ANKRD17: variants seen among roughly 807,000 people sequenced by gnomAD.
ANKRD17 encodes the protein ankyrin repeat domain-containing protein 17.
Under a neutral mutation model 229.7 loss-of-function variants are expected in ANKRD17, and 19 were observed. That is an observed-to-expected ratio of 0.08 (90% CI 0.06 to 0.12). The LOEUF (loss-of-function observed/expected upper bound fraction) is 0.12, where lower values mean the gene tolerates loss of function less well. Ranked by LOEUF, ANKRD17 falls within the 10% of genes least tolerant of loss-of-function variation. The pLI is 1.00. For synonymous variants in ANKRD17, 1,112 were observed against 1,146.1 expected (o/e 0.97, Z 0.60); for missense variants, 2,176 against 3,176.8 (o/e 0.68, Z 7.57).
At chr4:73,076,409 A>G in intron 33 of ANKRD17, 119 bp from the exon 34 acceptor site, 1 of 625,786 alleles carries the variant, frequency 1.6e-6, no homozygotes. Flanking sequence ...GAACTAATGG[A>G]AAAAAATGAT....
chr4:73,256,332 C>T (rs2149293951), intron 1 of ANKRD17, among the ~76,000 whole-genome samples: 1 of 152,294 alleles, frequency 6.6e-6, no homozygotes, highest in East Asian at 1.9e-4. Context: ...GCAGAATATC[C>T]CAGTAAGTAC....
chr4:73,174,018 C>T (rs1439570312), intron 2 of ANKRD17, among the ~76,000 whole-genome samples: 1 of 149,430 alleles, frequency 6.7e-6, no homozygotes, highest in Non-Finnish European at 1.5e-5. Flanking sequence ...GCCAGTATCA[C>T]CCTAATACCA....
intron 9 of ANKRD17, 144 bp from the exon 10 acceptor site, chr4:73,147,017 T>C (rs1010452643): frequency 3.3e-5 from 26 of 798,066 alleles, no homozygotes; most frequent in African/African-American, 1.1e-4. Context: ...ACAGAGAATA[T>C]TGTAGGCATT....
chr4:73,133,928 G>A (rs1484741932), intron 16 of ANKRD17, among the ~76,000 whole-genome samples: 1 of 152,176 alleles, frequency 6.6e-6, no homozygotes, highest in Admixed American at 6.5e-5. Context: ...TAAACAAAAT[G>A]CTTAACCTCT....
chr4:73,136,884 G>A (rs1313474209), intron 15 of ANKRD17, among the ~76,000 whole-genome samples: 1 of 149,744 alleles, frequency 6.7e-6, no homozygotes, highest in Non-Finnish European at 1.5e-5. Flanking sequence ...TACTAAACAG[G>A]TTAAAAAAAA....
At chr4:73,250,187 C>T (rs1314457871) in intron 1 of ANKRD17, among the ~76,000 whole-genome samples, 1 of 151,936 alleles carries the variant, frequency 6.6e-6, no homozygotes, top group Non-Finnish European at 1.5e-5. Context: ...TTTTTTTTAC[C>T]CTTGACGCAT....
At chr4:73,087,778 T>A (rs1049835023) in intron 29 of ANKRD17, among the ~76,000 whole-genome samples, 3 of 152,124 alleles carry the variant, frequency 2.0e-5, no homozygotes, top group African/African-American at 4.8e-5. Flanking sequence ...TATCAAAGTA[T>A]TTAGGGGTAA....
At chr4:73,189,210 TAAC>T (rs201338588) in intron 1 of ANKRD17, among the ~76,000 whole-genome samples, 114 of 151,980 alleles carry the variant, frequency 7.5e-4, no homozygotes, top group African/African-American at 2.0e-3. Context: ...CTAAACGAGA[TAAC>T]AACAACAACA....
Position 73,087,097 on chromosome 4 carries a change from A to C in ANKRD17, c.6962-1651T>G, listed in dbSNP as rs545110768. ...CCATGCTTTCCACAGCCAATACTGG[A>C]ACAATTTATCATTTTTTCTTTTTTT... On this transcript the variant is annotated intron_variant, in intron 29 of 33. Transcript: ENST00000358602. 5.2e-4 allele frequency among the ~76,000 whole-genome samples: 78 copies of C among 149,844 alleles called. 2 individuals are homozygous for C. The South Asian group carries it at 0.015, about 30-fold the overall frequency.
intron 1 of ANKRD17, among the ~76,000 whole-genome samples, chr4:73,224,549 A>G (rs1742259331): frequency 6.6e-6 from 1 of 152,224 alleles, no homozygotes; most frequent in Admixed American, 6.5e-5. Flanking sequence ...TACTGTGTCA[A>G]GCAATATATG....
At chr4:73,210,860 T>A (rs569251313) in intron 1 of ANKRD17, among the ~76,000 whole-genome samples, 45 of 152,094 alleles carry the variant, frequency 3.0e-4, no homozygotes, top group African/African-American at 1.0e-3. Flanking sequence ...TCAAAATTCA[T>A]CAAGTTTCCA....
chr4:73,131,559 G>T (rs1480759670), intron 16 of ANKRD17, among the ~76,000 whole-genome samples: 1 of 152,054 alleles, frequency 6.6e-6, no homozygotes, highest in East Asian at 1.9e-4. Context: ...CCACTTACCA[G>T]GCTAATACAA....
intron 16 of ANKRD17, among the ~76,000 whole-genome samples, chr4:73,125,790 G>C (rs1315072657): frequency 6.6e-6 from 1 of 150,898 alleles, no homozygotes; most frequent in Non-Finnish European, 1.5e-5. Context: ...TTCCATATTA[G>C]CAGCCAACTT....
Position 73,085,259 on chromosome 4 carries a change from T to C in ANKRD17, c.7149A>G (p.Ser2383=). 1.2e-6 allele frequency: 2 copies of C among 1,614,132 alleles called. No individual in the cohort carries two copies. The highest frequency in any genetic ancestry group is 1.6e-4 in the Middle Eastern group (1 of 6,062). The part of the protein sequence containing the change: ...SPLSLLTPCS[S]ASNDSSAQSV... ...GTGTATAAAACTCACCATTTGATGC[T>C]GATGAACACGGAGTCAACAAACTAA... The change falls in exon 30 of 34, where the codon TCA becomes TCG. Residue 2383 remains serine, a synonymous_variant. Transcript: ENST00000358602.
rs1333840009 is a variant in ANKRD17 at position 73,090,841 on chromosome 4, T to C, written c.6787A>G (p.Thr2263Ala). 1.2e-6 allele frequency: 2 copies of C among 1,614,020 alleles called. No individual in the cohort carries two copies. Among genetic ancestry groups the C allele is most frequent in the Non-Finnish European group, 1.7e-6 (2 of 1,180,032 alleles). Residue 2263 changes from threonine (T) to alanine (A), a missense_variant, in exon 29 of 34, where the codon ACT (threonine) becomes GCT (alanine). Thr to Ala is a moderately conservative substitution (Grantham distance 58). This residue lies in a region of ANKRD17 where 424 missense variants were observed against 454.0 expected (regional missense o/e 0.93). Coordinates refer to ENST00000358602, the MANE Select transcript of ANKRD17 (RefSeq NM_032217.5). Reference sequence around the variant, plus strand: ...CCTCCCCAGAAGGCATGAGCAGAAGTAGGGCTGTTTTCAAACAATGTGCTA... The same window carrying C: ...CCTCCCCAGAAGGCATGAGCAGAAGCAGGGCTGTTTTCAAACAATGTGCTA... The part of the protein sequence containing the change: ...PFSTLFENSP[T>A]SAHAFWGGSV...
At chr4:73,230,243 A>G (rs116193672) in intron 1 of ANKRD17, among the ~76,000 whole-genome samples, 1,688 of 152,282 alleles carry the variant, frequency 0.011, 33 homozygotes, top group African/African-American at 0.039. Flanking sequence ...ATAATGCAAC[A>G]TAGTATCCAG....
intron 22 of ANKRD17, among the ~76,000 whole-genome samples, chr4:73,116,664 A>G (rs1189706044): frequency 6.6e-6 from 1 of 152,146 alleles, no homozygotes; most frequent in Non-Finnish European, 1.5e-5. Context: ...TCATTCCCTA[A>G]GGATCTCTCT....
intron 1 of ANKRD17, among the ~76,000 whole-genome samples, chr4:73,194,764 C>T (rs1437074745): frequency 1.3e-5 from 2 of 152,080 alleles, no homozygotes; most frequent in Non-Finnish European, 2.9e-5. Context: ...ACTCCTTCCA[C>T]CATAGGCAAA....
intron 24 of ANKRD17, among the ~76,000 whole-genome samples, chr4:73,111,797 T>G (rs183896340): frequency 6.6e-6 from 1 of 152,214 alleles, no homozygotes; most frequent in African/African-American, 2.4e-5. Flanking sequence ...TTAAAAAAAG[T>G]ACACCATCAC....
Sources: allele counts gnomAD v4.1 joint callset (sites outside exome capture counted in the v4.1 genomes callset), GRCh38; gene constraint gnomAD v4.1.1; regional missense constraint gnomAD v4.1.1; transcripts MANE v1.5; gene names NCBI Gene and HGNC (gene_info 2026-07-23, HGNC 2026-07-21).